Variants in ZFAND3 observed in about 807,000 individuals in gnomAD.
ZFAND3 encodes the protein zinc finger AN1-type containing 3.
ZFAND3 carries 10 observed loss-of-function variants against 29.6 expected under a neutral mutation model. That is an observed-to-expected ratio of 0.34 (90% CI 0.21 to 0.57). The LOEUF is 0.57. ZFAND3 is among the 20% of genes least tolerant of loss of function. ZFAND3 has a pLI of 0.86. For missense variants in ZFAND3, 230 were observed against 304.5 expected (o/e 0.76, Z 1.82); for synonymous variants, 128 against 112.6 (o/e 1.14, Z -0.87).
In ZFAND3 at chr6:37,917,746, T is replaced by C. The variant is rs1363698136; in HGVS notation, c.72-12213T>C. ...TGGGAATAAGGAAAGCAGTTTATTT[T>C]CTGCTGTCACCTTTCAACCATTCCT... is the stretch of plus-strand genomic sequence containing the variant. On this transcript the variant is annotated intron_variant, in intron 1 of 5. Transcript: ENST00000287218. Among the ~76,000 whole-genome samples, 4 of 152,322 alleles carry C rather than the reference T, an allele frequency of 2.6e-5. 1 individual carries two copies. The East Asian group carries it at 5.8e-4, about 22-fold the overall frequency.
chr6:37,819,955 G>C lies in ZFAND3; in HGVS notation c.10G>C (p.Ala4Pro). 1 of 1,223,310 alleles carries C rather than the reference G, an allele frequency of 8.2e-7. No individual in the cohort carries two copies. Among genetic ancestry groups the C allele is most frequent in the Non-Finnish European group, 1.0e-6 (1 of 983,442 alleles). 75.8% of individuals were successfully genotyped at this position (1,223,310 alleles called of 1,614,324 possible). A position where few individuals can be genotyped will look rare whatever the true frequency, so the allele number is the denominator to read the frequency against. Residue 4 changes from alanine (A) to proline (P), a missense_variant, in exon 1 of 6, where the codon GCT (alanine) becomes CCT (proline). This residue lies in a region of ZFAND3 where 180 missense variants were observed against 202.5 expected (regional missense o/e 0.89). Coordinates refer to ENST00000287218, the MANE Select transcript of ZFAND3 (RefSeq NM_021943.3). MGD[A>P]GSERSKAPSL... ...GCCGCCGCCGAGCACCATGGGAGAC[G>C]CTGGGAGCGAGCGCAGCAAAGCGCC...
At chr6:37,925,624 A>C (rs1035299965) in intron 1 of ZFAND3, among the ~76,000 whole-genome samples, 2 of 151,734 alleles carry the variant, frequency 1.3e-5, no homozygotes. Flanking sequence ...GAATCGCTTG[A>C]ACCCAGGAGG....
chr6:37,932,895 C>T (rs926994251), intron 2 of ZFAND3, among the ~76,000 whole-genome samples: 7 of 152,208 alleles, frequency 4.6e-5, no homozygotes, highest in Non-Finnish European at 1.0e-4. Context: ...TTTTTACCTA[C>T]ACACTACTGC....
Position 37,832,563 on chromosome 6 carries a change from G to A in ZFAND3, c.71+12547G>A, listed in dbSNP as rs192962697. ...AATTTGTACTAGAAGATGGTAATGG[G>A]TGGTGAGAGAGATGATTAGTTTTAG... On this transcript the variant is annotated intron_variant, in intron 1 of 5. Transcript: ENST00000287218. Among the ~76,000 whole-genome samples, 480 of 152,330 alleles carry A rather than the reference G, an allele frequency of 3.2e-3. 2 individuals carry two copies. The highest frequency in any genetic ancestry group is 8.9e-3 in the African/African-American group (369 of 41,560).
intron 2 of ZFAND3, among the ~76,000 whole-genome samples, chr6:37,932,908 T>C (rs1038550678): frequency 6.6e-6 from 1 of 152,256 alleles, no homozygotes; most frequent in Non-Finnish European, 1.5e-5. Context: ...ACTACTGCTT[T>C]CTCCAGTTGC....
chr6:38,063,379 A>G lies in ZFAND3; in HGVS notation c.295+1604A>G, dbSNP rs536291990. 2.0e-5 allele frequency among the ~76,000 whole-genome samples: 3 copies of G among 152,334 alleles called. No individual in the cohort carries two copies. In the South Asian group the frequency reaches 6.2e-4, roughly 32 times the overall value. Reference sequence around the variant, plus strand: ...CCACCCCACAGCCCCAGAACATTTGATAATGTCTGGAGACCAGGAATGCTG... The same window carrying G: ...CCACCCCACAGCCCCAGAACATTTGGTAATGTCTGGAGACCAGGAATGCTG... On this transcript the variant is annotated intron_variant, in intron 3 of 5. Coordinates refer to ENST00000287218, the MANE Select transcript of ZFAND3 (RefSeq NM_021943.3).
At chr6:38,128,791 G>A (rs1292107823) in intron 5 of ZFAND3, among the ~76,000 whole-genome samples, 1 of 152,162 alleles carries the variant, frequency 6.6e-6, no homozygotes, top group Non-Finnish European at 1.5e-5. Context: ...TGCAAATTGT[G>A]CTACCATAAA....
chr6:38,139,532 A>C (rs1219223143), intron 5 of ZFAND3, among the ~76,000 whole-genome samples: 1 of 152,212 alleles, frequency 6.6e-6, no homozygotes, highest in African/African-American at 2.4e-5. Context: ...CTAAGGCCTG[A>C]GTAAGCAAGA....
chr6:38,125,044 C>A (rs971150583), intron 5 of ZFAND3, among the ~76,000 whole-genome samples: 1 of 151,974 alleles, frequency 6.6e-6, no homozygotes, highest in Non-Finnish European at 1.5e-5. Flanking sequence ...TCCATCCCCC[C>A]AAAAGGAAAA....
At chr6:37,891,757 C>T (rs543384920) in intron 1 of ZFAND3, among the ~76,000 whole-genome samples, 55 of 152,076 alleles carry the variant, frequency 3.6e-4, no homozygotes, top group Non-Finnish European at 7.4e-4. Context: ...GAGACTGAGT[C>T]TCGCTCTGTC....
intron 1 of ZFAND3, among the ~76,000 whole-genome samples, chr6:37,824,922 C>T (rs1431251453): frequency 2.6e-5 from 4 of 152,170 alleles, no homozygotes; most frequent in Non-Finnish European, 5.9e-5. Context: ...AATTTCATTT[C>T]TGAAATCGGT....
At chr6:37,932,720 C>A (rs1366716395) in intron 2 of ZFAND3, among the ~76,000 whole-genome samples, 1 of 152,056 alleles carries the variant, frequency 6.6e-6, no homozygotes, top group Non-Finnish European at 1.5e-5. Context: ...CAGCCATGGG[C>A]TTTGTGTTTC....
At chr6:37,918,110 T>C (rs1306396530) in intron 1 of ZFAND3, among the ~76,000 whole-genome samples, 1 of 152,156 alleles carries the variant, frequency 6.6e-6, no homozygotes, top group Non-Finnish European at 1.5e-5. Context: ...GGAGTCTCGC[T>C]CTGTTGCCCA....
At chr6:37,968,096 G>C (rs1762323380) in intron 2 of ZFAND3, among the ~76,000 whole-genome samples, 1 of 152,064 alleles carries the variant, frequency 6.6e-6, no homozygotes, top group South Asian at 2.1e-4. Flanking sequence ...GGATCATCCT[G>C]GGTCAATAAT....
chr6:38,025,797 A>G (rs1300501218), intron 2 of ZFAND3, among the ~76,000 whole-genome samples: 6 of 152,174 alleles, frequency 3.9e-5, no homozygotes, highest in African/African-American at 1.4e-4. Context: ...GATTTCACTT[A>G]TATGAAATGT....
chr6:38,074,797 T>A (rs931189728), intron 3 of ZFAND3, among the ~76,000 whole-genome samples: 6 of 152,322 alleles, frequency 3.9e-5, no homozygotes, highest in African/African-American at 1.4e-4. Flanking sequence ...ACCCTCTTGT[T>A]AGGGGCTAAT....
intron 1 of ZFAND3, among the ~76,000 whole-genome samples, chr6:37,854,191 TC>T (rs1311569625): frequency 6.6e-6 from 1 of 152,184 alleles, no homozygotes; most frequent in African/African-American, 2.4e-5. Context: ...CCTCAGGTGA[TC>T]CGCCTGCCTC....
intron 1 of ZFAND3, among the ~76,000 whole-genome samples, chr6:37,841,100 CAG>C (rs142749679): frequency 0.015 from 2,252 of 152,210 alleles, 52 homozygotes; most frequent in African/African-American, 0.052. Flanking sequence ...AAAATCAACA[CAG>C]AGGAAATTTA....
intron 1 of ZFAND3, among the ~76,000 whole-genome samples, chr6:37,834,202 A>G (rs997673773): frequency 5.3e-5 from 8 of 152,054 alleles, no homozygotes; most frequent in Admixed American, 4.6e-4. Flanking sequence ...ACAACTTTTC[A>G]TTGTCTCCCT....
Sources: allele counts gnomAD v4.1 joint callset (sites outside exome capture counted in the v4.1 genomes callset), GRCh38; gene constraint gnomAD v4.1.1; regional missense constraint gnomAD v4.1.1; transcripts MANE v1.5; gene names NCBI Gene and HGNC (gene_info 2026-07-23, HGNC 2026-07-21).